PCDHGA9: variants seen among roughly 807,000 people sequenced by gnomAD.
PCDHGA9 encodes the protein protocadherin gamma-A9.
In PCDHGA9, 37 loss-of-function variants were observed where a neutral mutation model predicts 62.5. The observed-to-expected ratio is 0.59, with a 90% CI of 0.46 to 0.78. PCDHGA9 has a LOEUF of 0.78. Ranked by LOEUF, PCDHGA9 falls within the 30% of genes least tolerant of loss-of-function variation. The pLI, the probability that PCDHGA9 is intolerant of heterozygous loss-of-function variation, is 0.00. For synonymous variants in PCDHGA9, 459 were observed against 484.6 expected, an observed-to-expected ratio of 0.95 and a Z score of 0.69; for missense variants, 1,138 against 1,166.2, an observed-to-expected ratio of 0.98 and a Z score of 0.35.
At chr5:141,417,789 C>G in intron 1 of PCDHGA9, 1 of 1,477,596 alleles carries the variant, frequency 6.8e-7, no homozygotes, top group Non-Finnish European at 9.0e-7. Context: ...GGGCCGAATG[C>G]TCTTTTAGCG....
At position 141,404,186 on chromosome 5, in the gene PCDHGA9, C is replaced by A. The variant is rs767632448; in HGVS notation, c.1234C>A (p.Arg412=). The stretch of plus-strand genomic sequence containing the variant: ...ATTGTTGACGGCCCAAATTCTTGAC[C>A]GAGAAAAAGCCTCAGAATATAATAT... ...YRLLTAQILD[R]EKASEYNITV... The change falls in exon 1 of 4, where the codon CGA becomes AGA. Residue 412 remains arginine, a synonymous_variant. Transcript: ENST00000573521. 1.2e-6 allele frequency: 2 copies of A among 1,612,966 alleles called. No individual in the cohort carries two copies. The highest frequency in any genetic ancestry group is 1.6e-4 in the Middle Eastern group (1 of 6,084).
intron 1 of PCDHGA9, chr5:141,478,121 G>A (rs1393103666): frequency 1.2e-6 from 2 of 1,613,918 alleles, no homozygotes; most frequent in South Asian, 1.1e-5. Flanking sequence ...AGTAACCGAG[G>A]ACTCTCCTGA....
chr5:141,445,137 T>C (rs933188032), intron 1 of PCDHGA9, among the ~76,000 whole-genome samples: 9 of 152,248 alleles, frequency 5.9e-5, no homozygotes, highest in Admixed American at 3.3e-4. Context: ...AAATTGTATC[T>C]TCTAATTGTT....
In PCDHGA9 at chr5:141,476,883, A is replaced by G. The variant is rs1266909654; in HGVS notation, c.2425-17924A>G. ...TTGTACCGGGCGCGCGTCCTGGAGG[A>G]TGCACCCTCCGGCACGCGCGTGGTA... On this transcript the variant is annotated intron_variant, in intron 1 of 3. Coordinates refer to ENST00000573521, the MANE Select transcript of PCDHGA9 (RefSeq NM_018921.3). This position sits in a 1 kb window ranked among gnomAD's most constrained non-coding sequence, Gnocchi z 7.6. 1 of 1,613,916 alleles carries G rather than the reference A, an allele frequency of 6.2e-7. No individual in the cohort carries two copies. The highest frequency in any genetic ancestry group is 8.5e-7 in the Non-Finnish European group (1 of 1,180,026).
In PCDHGA9 at chr5:141,490,594, C is replaced by A. The variant is rs1276468877; in HGVS notation, c.2425-4213C>A. The A allele has an allele frequency of 2.5e-6, 4 of 1,614,056 alleles. No individual in the cohort carries two copies. The highest frequency in any genetic ancestry group is 1.6e-4 in the Middle Eastern group (1 of 6,084). On this transcript the variant is annotated intron_variant, in intron 1 of 3. Transcript: ENST00000573521. The surrounding 1 kb of genome is among the most constrained non-coding windows in gnomAD (Gnocchi z 5.4). ...CATTTCAGATGTCAATGACAATGCA[C>A]CCCGCTTCAACCAGCAGCTTTACAC...
At chr5:141,450,006 CTTTTTTT>C (rs1554136305) in intron 1 of PCDHGA9, among the ~76,000 whole-genome samples, 12 of 132,986 alleles carry the variant, frequency 9.0e-5, no homozygotes, top group Non-Finnish European at 1.7e-4. Context: ...TGCCATGTCT[CTTTTTTT>C]TTTTTTTTTT....
At chr5:141,434,978 C>G (rs1287204052) in intron 1 of PCDHGA9, among the ~76,000 whole-genome samples, 2 of 151,700 alleles carry the variant, frequency 1.3e-5, no homozygotes, top group Non-Finnish European at 2.9e-5. Flanking sequence ...TTTGTTAATA[C>G]TCTATATCAT....
In PCDHGA9 at chr5:141,432,612, C is replaced by T. The variant is rs752901891; in HGVS notation, c.2424+27236C>T. 1.9e-6 allele frequency: 3 copies of T among 1,613,912 alleles called. No individual in the cohort carries two copies. The highest frequency in any genetic ancestry group is 2.5e-6 in the Non-Finnish European group (3 of 1,179,970). On this transcript the variant is annotated intron_variant, in intron 1 of 3. Transcript: ENST00000573521. The surrounding 1 kb of genome is among the most constrained non-coding windows in gnomAD (Gnocchi z 6.0). ...AAGGCCAGCGAGCCGGGACTCTTCT[C>T]GGTGGGTCTGCACACGGGCGAGGTG...
At chr5:141,438,591 CATATATAT>C (rs946798767) in intron 1 of PCDHGA9, among the ~76,000 whole-genome samples, 35 of 75,562 alleles carry the variant, frequency 4.6e-4, no homozygotes, top group South Asian at 1.0e-3. Flanking sequence ...TACATACATA[CATATATAT>C]ATATATATAT....
At chr5:141,427,637 C>T (rs771573587) in intron 1 of PCDHGA9, 5 of 707,806 alleles carry the variant, frequency 7.1e-6, no homozygotes, top group Non-Finnish European at 1.3e-5. Context: ...CGGTTTTCCA[C>T]CAAGTCTCCT....
chr5:141,433,176 T>A, intron 1 of PCDHGA9: 1 of 1,610,288 alleles, frequency 6.2e-7, no homozygotes, highest in Non-Finnish European at 8.5e-7. Flanking sequence ...AGTCATGGGT[T>A]AATTGAGGTG....
Position 141,427,760 on chromosome 5 carries a change from T to C in PCDHGA9, c.2424+22384T>C, listed in dbSNP as rs1464459008. On this transcript the variant is annotated intron_variant, in intron 1 of 3. Coordinates refer to ENST00000573521, the MANE Select transcript of PCDHGA9 (RefSeq NM_018921.3). The stretch of plus-strand genomic sequence containing the variant: ...AAGTCTCCTACTCCATCGTTACCAC[T>C]GACTTGGAGCTGCGGGCACTGTCGT... The C allele has an allele frequency of 4.4e-6, 6 of 1,360,822 alleles. No individual in the cohort carries two copies. The Admixed American group carries it at 5.1e-5, about 12-fold the overall frequency. 84.3% of individuals were successfully genotyped at this position (1,360,822 alleles called of 1,614,324 possible).
At chr5:141,409,546 C>G in intron 1 of PCDHGA9, 1 of 1,613,998 alleles carries the variant, frequency 6.2e-7, no homozygotes, top group Non-Finnish European at 8.5e-7. Flanking sequence ...TCAACGACAA[C>G]GCCCCAGTTT....
chr5:141,473,235 C>T (rs1322325327), intron 1 of PCDHGA9, among the ~76,000 whole-genome samples: 1 of 152,132 alleles, frequency 6.6e-6, no homozygotes, highest in Non-Finnish European at 1.5e-5. Flanking sequence ...TGGATCCACA[C>T]AAGTGAATAC....
At chr5:141,479,633 T>TAACAAC (rs749744124) in intron 1 of PCDHGA9, 1 of 152,114 alleles carries the variant, frequency 6.6e-6, no homozygotes, top group Admixed American at 6.5e-5. Flanking sequence ...TCTTTAACAA[T>TAACAAC]AACAACAACA....
intron 3 of PCDHGA9, among the ~76,000 whole-genome samples, chr5:141,506,032 G>A (rs994735467): frequency 5.9e-5 from 9 of 152,166 alleles, no homozygotes; most frequent in Non-Finnish European, 1.0e-4. Context: ...TCCAGAGTAG[G>A]ATTCTGGTTT....
At chr5:141,422,898 C>CTCTG (rs747261683) in intron 1 of PCDHGA9, 4 of 1,614,250 alleles carry the variant, frequency 2.5e-6, no homozygotes, top group Non-Finnish European at 3.4e-6. Flanking sequence ...TGGACCAGAA[C>CTCTG]GACAATGCGC....
At chr5:141,509,327 G>A (rs2099876237) in intron 3 of PCDHGA9, among the ~76,000 whole-genome samples, 1 of 152,188 alleles carries the variant, frequency 6.6e-6, no homozygotes, top group African/African-American at 2.4e-5. Flanking sequence ...AAGCTCTACT[G>A]CCAGCTGGGC....
At chr5:141,464,278 G>GAAAA (rs2099080310) in intron 1 of PCDHGA9, among the ~76,000 whole-genome samples, 1 of 121,594 alleles carries the variant, frequency 8.2e-6, no homozygotes. Context: ...AAAAAAAAAA[G>GAAAA]CAAAAAAAAA....
Sources: allele counts gnomAD v4.1 joint callset (sites outside exome capture counted in the v4.1 genomes callset), GRCh38; gene constraint gnomAD v4.1.1; non-coding constraint Gnocchi (gnomAD v3.1); transcripts MANE v1.5; gene names NCBI Gene and HGNC (gene_info 2026-07-23, HGNC 2026-07-21).